Variants in WWTR1 observed in about 807,000 individuals in gnomAD.
WWTR1 encodes WW domain containing transcription regulator 1.
WWTR1 carries 13 observed loss-of-function variants against 40.1 expected under a neutral mutation model. The ratio of observed to expected loss-of-function variants is 0.32; its 90% CI spans 0.21 to 0.52. The LOEUF is 0.52. Ranked by LOEUF, WWTR1 falls within the 20% of genes least tolerant of loss-of-function variation. The probability of loss-of-function intolerance (pLI) is 0.97; values close to 1 mark genes in which losing one functional copy is unlikely to be tolerated. For missense variants in WWTR1, 436 were observed against 523.1 expected (o/e 0.83, Z 1.63); for synonymous variants, 230 against 210.1 (o/e 1.09, Z -0.82).
intron 2 of WWTR1, among the ~76,000 whole-genome samples, chr3:149,630,940 G>A (rs138625295): frequency 6.6e-6 from 1 of 152,266 alleles, no homozygotes; most frequent in East Asian, 1.9e-4. Context: ...TGATGGAAAG[G>A]ACAGGCTTAA....
intron 2 of WWTR1, among the ~76,000 whole-genome samples, chr3:149,606,092 G>T (rs1433100765): frequency 6.6e-6 from 1 of 152,134 alleles, no homozygotes; most frequent in African/African-American, 2.4e-5. Flanking sequence ...CGGGTAGAAG[G>T]CATGATCTAT....
At chr3:149,585,586 C>G (rs1218047843) in intron 2 of WWTR1, among the ~76,000 whole-genome samples, 1 of 151,874 alleles carries the variant, frequency 6.6e-6, no homozygotes, top group African/African-American at 2.4e-5. Context: ...CTAATAATAG[C>G]AACTCTCAGA....
chr3:149,699,945 T>A (rs553042523), intron 1 of WWTR1, among the ~76,000 whole-genome samples: 1 of 152,344 alleles, frequency 6.6e-6, no homozygotes, highest in African/African-American at 2.4e-5. Flanking sequence ...ATTTTCTGTA[T>A]CAGTCCACTT....
chr3:149,589,902 T>G (rs1377819610), intron 2 of WWTR1, among the ~76,000 whole-genome samples: 1 of 152,220 alleles, frequency 6.6e-6, no homozygotes, highest in African/African-American at 2.4e-5. Flanking sequence ...ATCATATATG[T>G]TTTTATCTGT....
chr3:149,557,839 C>T (rs1736898647), intron 3 of WWTR1, among the ~76,000 whole-genome samples: 1 of 151,710 alleles, frequency 6.6e-6, no homozygotes, highest in East Asian at 1.9e-4. Flanking sequence ...CCCATCTCTA[C>T]TAAAAATACA....
intron 6 of WWTR1, among the ~76,000 whole-genome samples, chr3:149,524,225 C>A (rs1037580104): frequency 2.0e-5 from 3 of 151,994 alleles, no homozygotes; most frequent in Admixed American, 6.6e-5. Flanking sequence ...CTTTTCAGGA[C>A]GTCATTTAAT....
chr3:149,637,955 G>A (rs1408901802), intron 2 of WWTR1, among the ~76,000 whole-genome samples: 5 of 152,168 alleles, frequency 3.3e-5, no homozygotes, highest in Admixed American at 2.0e-4. Flanking sequence ...GGTGGCTCAC[G>A]CCTGTAATCC....
At chr3:149,628,375 A>C (rs1189971327) in intron 2 of WWTR1, among the ~76,000 whole-genome samples, 1 of 152,232 alleles carries the variant, frequency 6.6e-6, no homozygotes, top group Non-Finnish European at 1.5e-5. Flanking sequence ...TCTCAAAACA[A>C]ATAAACAAAC....
At chr3:149,662,767 G>A (rs1053772356), upstream of WWTR1, among the ~76,000 whole-genome samples, 15 of 152,070 alleles carry the variant, frequency 9.9e-5, no homozygotes, top group African/African-American at 3.4e-4. Flanking sequence ...CCAACACACT[G>A]CCATCTTCAT....
chr3:149,638,007 G>A (rs368072497), intron 2 of WWTR1, among the ~76,000 whole-genome samples: 17 of 152,144 alleles, frequency 1.1e-4, no homozygotes, highest in African/African-American at 4.1e-4. Flanking sequence ...CCTGAGGTCA[G>A]GAGTTCAAGA....
chr3:149,685,031 T>C (rs573354447), intron 1 of WWTR1, among the ~76,000 whole-genome samples: 72 of 152,304 alleles, frequency 4.7e-4, no homozygotes, highest in African/African-American at 1.7e-3. Context: ...TGTTTCATCA[T>C]TTGTAGCCAC....
intron 1 of WWTR1, among the ~76,000 whole-genome samples, chr3:149,696,741 G>T (rs931595012): frequency 6.6e-6 from 1 of 152,128 alleles, no homozygotes; most frequent in African/African-American, 2.4e-5. Flanking sequence ...AACGAGCATG[G>T]CGTTTTTGAA....
At chr3:149,684,086 T>A (rs1399169440) in intron 1 of WWTR1, among the ~76,000 whole-genome samples, 2 of 152,186 alleles carry the variant, frequency 1.3e-5, no homozygotes, top group Non-Finnish European at 2.9e-5. Context: ...ATATTACTAT[T>A]TGTGTTTGAA....
At chr3:149,630,646 T>C (rs939544505) in intron 2 of WWTR1, among the ~76,000 whole-genome samples, 13 of 151,996 alleles carry the variant, frequency 8.6e-5, no homozygotes, top group Non-Finnish European at 1.8e-4. Flanking sequence ...TAAACAAGAG[T>C]TTGCATATAA....
At chr3:149,558,628 T>C (rs1736951115) in intron 3 of WWTR1, among the ~76,000 whole-genome samples, 1 of 152,186 alleles carries the variant, frequency 6.6e-6, no homozygotes, top group Non-Finnish European at 1.5e-5. Context: ...CTGATAGGAT[T>C]CAATGAGAAG....
intron 2 of WWTR1, among the ~76,000 whole-genome samples, chr3:149,640,066 C>T (rs142734780): frequency 1.3e-5 from 2 of 151,050 alleles, no homozygotes; most frequent in African/African-American, 4.9e-5. Flanking sequence ...TACAACTACA[C>T]AGGGGCACTA....
intron 6 of WWTR1, chr3:149,525,719 AT>A (rs11312622): frequency 0.15 from 25,972 of 171,192 alleles, 2,418 homozygotes; most frequent in East Asian, 0.51. Context: ...GAAGCATTCC[AT>A]TTTTTTTTTT....
At chr3:149,665,885 T>C (rs949713634) in intron 2 of WWTR1, among the ~76,000 whole-genome samples, 22 of 152,174 alleles carry the variant, frequency 1.4e-4, no homozygotes, top group Admixed American at 1.1e-3. Flanking sequence ...ATATTATTAG[T>C]ATTATTTTGG....
intron 3 of WWTR1, among the ~76,000 whole-genome samples, chr3:149,561,811 A>G (rs1019898931): frequency 2.0e-5 from 3 of 152,226 alleles, no homozygotes; most frequent in Admixed American, 6.5e-5. Flanking sequence ...ATGCATGTGT[A>G]TGTAGAGCAT....
Sources: gnomAD v4.1 joint callset for allele counts (sites outside exome capture counted in the v4.1 genomes callset) on GRCh38, gnomAD v4.1.1 for gene constraint, MANE v1.5 for transcripts, NCBI Gene and HGNC (gene_info 2026-07-23, HGNC 2026-07-21) for gene names.